GABRA2: variants seen among roughly 807,000 people sequenced by gnomAD.
GABRA2 encodes the protein gamma-aminobutyric acid type A receptor subunit alpha2, also known as gamma-aminobutyric acid receptor subunit alpha-2.
GABRA2 carries 16 observed loss-of-function variants against 48.7 expected under a neutral mutation model. That is an observed-to-expected ratio of 0.33 (90% CI 0.22 to 0.50). The LOEUF is 0.50. Ranked by LOEUF, GABRA2 falls within the 20% of genes least tolerant of loss-of-function variation. The probability of loss-of-function intolerance (pLI) is 0.98; values close to 1 mark genes in which losing one functional copy is unlikely to be tolerated. For missense variants in GABRA2, 275 were observed against 535.6 expected (o/e 0.51, Z 4.80); for synonymous variants, 185 against 184.5 (o/e 1.00, Z -0.02).
intron 3 of GABRA2, among the ~76,000 whole-genome samples, chr4:46,351,493 C>A (rs1735119569): frequency 6.6e-6 from 1 of 151,982 alleles, no homozygotes; most frequent in African/African-American, 2.4e-5. Flanking sequence ...TATTCTAAAT[C>A]TGTCTCTGAA....
intron 4 of GABRA2, 25 bp downstream of exon 4, chr4:46,332,590 A>C (rs773066160): frequency 7.1e-7 from 1 of 1,415,472 alleles, no homozygotes; most frequent in African/African-American, 1.4e-5. Context: ...TGTGAAGTAA[A>C]AATACTATTT....
rs143821773 is a variant in GABRA2 at position 46,370,400 on chromosome 4, C to T, written c.187+15674G>A. ...GATAAAGAACAGTAGAGGGACAAAA[C>T]AAACAAACAAACAAAAAACCCAACC... On this transcript the variant is annotated intron_variant, in intron 3 of 9. Coordinates refer to ENST00000381620, the MANE Select transcript of GABRA2 (RefSeq NM_000807.4). 1.8e-3 allele frequency among the ~76,000 whole-genome samples: 278 copies of T among 151,818 alleles called. 1 individual carries two copies. Among genetic ancestry groups the T allele is most frequent in the African/African-American group, 6.5e-3 (271 of 41,458 alleles).
At chr4:46,352,595 C>T (rs947892166) in intron 3 of GABRA2, among the ~76,000 whole-genome samples, 1 of 151,980 alleles carries the variant, frequency 6.6e-6, no homozygotes, top group East Asian at 1.9e-4. Flanking sequence ...TATATCAACA[C>T]ATAAAGAGAA....
chr4:46,305,668 A>G lies in GABRA2; in HGVS notation c.603T>C (p.Asn201=). ...TSEVTYIWTY[N]ASDSVQVAPD... ...GAGCAACCTGTACTGAATCAGATGC[A>G]TTGTAAGTCCAAATATAAGTGACCT... is the stretch of plus-strand genomic sequence containing the variant. The change falls in exon 7 of 10, where the codon AAT becomes AAC. Residue 201 remains asparagine (N), a synonymous_variant. Transcript: ENST00000381620. The G allele has an allele frequency of 6.2e-7, 1 of 1,613,246 alleles. No individual in the cohort carries two copies. The highest frequency in any genetic ancestry group is 8.5e-7 in the Non-Finnish European group (1 of 1,179,220).
chr4:46,306,936 T>G (rs1260489414), intron 6 of GABRA2, among the ~76,000 whole-genome samples: 1 of 152,152 alleles, frequency 6.6e-6, no homozygotes, highest in Non-Finnish European at 1.5e-5. Flanking sequence ...ATACCTGGCA[T>G]TGTCTAACGG....
chr4:46,302,071 A>C (rs1725835915), intron 8 of GABRA2, among the ~76,000 whole-genome samples: 1 of 149,168 alleles, frequency 6.7e-6, no homozygotes, highest in African/African-American at 2.6e-5. Flanking sequence ...TTTTCATTTT[A>C]TTCTTTTTTT....
intron 6 of GABRA2, among the ~76,000 whole-genome samples, chr4:46,309,957 G>C (rs1463879516): frequency 1.3e-5 from 2 of 152,080 alleles, no homozygotes; most frequent in Non-Finnish European, 2.9e-5. Context: ...ACACATAGTA[G>C]TAAAAATAAG....
chr4:46,301,171 T>A (rs919568048), intron 8 of GABRA2, among the ~76,000 whole-genome samples: 1 of 152,004 alleles, frequency 6.6e-6, no homozygotes, highest in Non-Finnish European at 1.5e-5. Context: ...ATAAAGAAGG[T>A]GGGAAAAAAT....
intron 3 of GABRA2, among the ~76,000 whole-genome samples, chr4:46,336,710 C>T (rs376714462): frequency 6.6e-6 from 1 of 152,158 alleles, no homozygotes; most frequent in African/African-American, 2.4e-5. Context: ...TGAAAGAGAA[C>T]AGGAAATAGC....
chr4:46,297,562 A>G (rs1724989451), intron 8 of GABRA2, among the ~76,000 whole-genome samples: 1 of 142,750 alleles, frequency 7.0e-6, no homozygotes, highest in African/African-American at 2.6e-5. Flanking sequence ...ACGATTATCT[A>G]ATTTGTTGGT....
intron 8 of GABRA2, among the ~76,000 whole-genome samples, chr4:46,284,826 G>C (rs1047785437): frequency 2.7e-4 from 41 of 151,964 alleles, no homozygotes; most frequent in African/African-American, 9.6e-4. Context: ...AAAAATTAAA[G>C]AGTAGTATTT....
chr4:46,357,943 C>G (rs769874051), intron 3 of GABRA2, among the ~76,000 whole-genome samples: 12 of 152,006 alleles, frequency 7.9e-5, no homozygotes, highest in Non-Finnish European at 1.5e-4. Context: ...CAGGTGTGAG[C>G]CACCGCGCCC....
intron 3 of GABRA2, among the ~76,000 whole-genome samples, chr4:46,363,252 G>A (rs1449725107): frequency 6.6e-6 from 1 of 152,128 alleles, no homozygotes; most frequent in Non-Finnish European, 1.5e-5. Flanking sequence ...AAAGTGGCCG[G>A]GGGAGTATTA....
intron 8 of GABRA2, among the ~76,000 whole-genome samples, chr4:46,267,695 T>C (rs1718523623): frequency 1.3e-5 from 2 of 152,170 alleles, no homozygotes; most frequent in South Asian, 2.1e-4. Flanking sequence ...TAGTTAGGGG[T>C]TACTGAAGAC....
chr4:46,299,073 A>T (rs1458818191), intron 8 of GABRA2, among the ~76,000 whole-genome samples: 1 of 151,418 alleles, frequency 6.6e-6, no homozygotes, highest in Admixed American at 6.6e-5. Flanking sequence ...TAAAAATATC[A>T]CCTTTTTGTT....
chr4:46,269,862 G>A (rs779105737), intron 8 of GABRA2, among the ~76,000 whole-genome samples: 16 of 151,826 alleles, frequency 1.1e-4, no homozygotes, highest in Non-Finnish European at 2.1e-4. Flanking sequence ...TTTTTCTGCA[G>A]TGAAACTGCT....
intron 4 of GABRA2, among the ~76,000 whole-genome samples, chr4:46,313,959 A>C (rs1728118648): frequency 6.6e-6 from 1 of 152,164 alleles, no homozygotes; most frequent in Admixed American, 6.6e-5. Flanking sequence ...TGATCCCTCA[A>C]AACTTGAAAC....
chr4:46,315,344 T>C (rs1379291743), intron 4 of GABRA2, among the ~76,000 whole-genome samples: 1 of 151,986 alleles, frequency 6.6e-6, no homozygotes, highest in Non-Finnish European at 1.5e-5. Context: ...TTGGTTTTAC[T>C]TGTTGAATTA....
intron 3 of GABRA2, among the ~76,000 whole-genome samples, chr4:46,357,662 CTTTCTTT>C (rs1736215190): frequency 6.9e-6 from 1 of 145,442 alleles, no homozygotes; most frequent in African/African-American, 2.6e-5. Flanking sequence ...TTTTTATTTT[CTTTCTTT>C]TTTTTTTTTT....
Sources: gnomAD v4.1 joint callset for allele counts (sites outside exome capture counted in the v4.1 genomes callset) on GRCh38, gnomAD v4.1.1 for gene constraint, MANE v1.5 for transcripts, NCBI Gene and HGNC (gene_info 2026-07-23, HGNC 2026-07-21) for gene names.